GNPTAB: variants seen among roughly 807,000 people sequenced by gnomAD.
GNPTAB encodes the protein N-acetylglucosamine-1-phosphate transferase subunits alpha and beta.
In GNPTAB, 92 loss-of-function variants were observed where a neutral mutation model predicts 136.6. That is an observed-to-expected ratio of 0.67 (90% CI 0.57 to 0.80). The LOEUF (loss-of-function observed/expected upper bound fraction) is 0.80. Ranked by LOEUF, GNPTAB falls within the 30% of genes least tolerant of loss-of-function variation. The pLI, the probability that GNPTAB is intolerant of heterozygous loss-of-function variation, is 0.00. For synonymous variants in GNPTAB, 512 were observed against 535.1 expected, an observed-to-expected ratio of 0.96 and a Z score of 0.60; for missense variants, 1,343 against 1,501.8, an observed-to-expected ratio of 0.89 and a Z score of 1.75.
intron 5 of GNPTAB, 42 bp downstream of exon 5, chr12:101,785,970 C>A (rs1158407156): frequency 7.3e-7 from 1 of 1,370,062 alleles, no homozygotes. Context: ...TTCAAACATC[C>A]AATGATAACA....
intron 5 of GNPTAB, among the ~76,000 whole-genome samples, chr12:101,781,484 G>A (rs1953342428): frequency 1.3e-5 from 2 of 151,984 alleles, no homozygotes; most frequent in Admixed American, 6.6e-5. Flanking sequence ...TGGGCAACAT[G>A]GCAAAACCCT....
At position 101,747,197 on chromosome 12, in the gene GNPTAB, G is replaced by A. The variant is rs146804104; in HGVS notation, c.3738C>T (p.His1246=). 1.3e-6 allele frequency: 2 copies of A among 1,596,598 alleles called. No individual in the cohort carries two copies. The highest frequency in any genetic ancestry group is 2.7e-5 in the African/African-American group (2 of 74,702). ...KRKIFPRRRI[H]KEASPNRIRV Reference sequence around the variant, plus strand: ...TGATTCGATTGGGACTAGCTTCTTTGTGTATCCTCCTTCTGGGAAATATCT... The same window carrying A: ...TGATTCGATTGGGACTAGCTTCTTTATGTATCCTCCTTCTGGGAAATATCT... Residue 1246 remains histidine (H), a synonymous_variant, in exon 21 of 21, where the codon CAC becomes CAT. Transcript: ENST00000299314.
intron 13 of GNPTAB, among the ~76,000 whole-genome samples, chr12:101,763,478 C>G (rs2137115068): frequency 6.6e-6 from 1 of 152,184 alleles, no homozygotes; most frequent in South Asian, 2.1e-4. Context: ...TCAACTCCCA[C>G]CCCTTCGAAG....
intron 7 of GNPTAB, among the ~76,000 whole-genome samples, chr12:101,772,739 T>A (rs1205939748): frequency 6.6e-6 from 1 of 152,134 alleles, no homozygotes; most frequent in African/African-American, 2.4e-5. Flanking sequence ...CTTTCCTCCC[T>A]CTCACAGCAC....
chr12:101,766,007 A>G (rs912335968), intron 12 of GNPTAB, 84 bp downstream of exon 12: 4 of 1,127,404 alleles, frequency 3.5e-6, no homozygotes, highest in Non-Finnish European at 5.4e-6. Context: ...TCATTATTTT[A>G]AATAACAAAA....
At chr12:101,756,721 GAAATTGT>G (rs1952906502) in intron 18 of GNPTAB, among the ~76,000 whole-genome samples, 1 of 152,194 alleles carries the variant, frequency 6.6e-6, no homozygotes. Flanking sequence ...GGCTAGTAAA[GAAATTGT>G]TAAGACTTAG....
At chr12:101,826,927 T>C (rs1221568246) in intron 1 of GNPTAB, among the ~76,000 whole-genome samples, 1 of 150,824 alleles carries the variant, frequency 6.6e-6, no homozygotes, top group Non-Finnish European at 1.5e-5. Context: ...GTCCCCATTC[T>C]GAAGGCTCTC....
chr12:101,783,972 C>T (rs1214908575), intron 5 of GNPTAB, among the ~76,000 whole-genome samples: 1 of 152,022 alleles, frequency 6.6e-6, no homozygotes, highest in East Asian at 1.9e-4. Flanking sequence ...CCCACCTTGG[C>T]CTCCCAAAGT....
rs371251305 is a variant in GNPTAB at position 101,796,827 on chromosome 12, A to G, written c.118-65T>C. On this transcript the variant is annotated intron_variant, in intron 1 of 20. Transcript: ENST00000299314. ...ACTAAGAGTATATAACTTTCATTTC[A>G]TTTTAATTTCATTAGAATTGCTAGA... The G allele has an allele frequency of 3.7e-6, 4 of 1,080,522 alleles. No homozygotes were observed. In the East Asian group the frequency reaches 7.1e-5, roughly 19 times the overall value. The allele number at this position is 1,080,522 out of a possible 1,614,324, so 66.9% of individuals were successfully genotyped here. A position where few individuals can be genotyped will look rare whatever the true frequency, so the allele number is the denominator to read the frequency against.
chr12:101,763,596 T>C (rs1328399167), intron 13 of GNPTAB, among the ~76,000 whole-genome samples: 1 of 152,166 alleles, frequency 6.6e-6, no homozygotes, highest in East Asian at 1.9e-4. Context: ...CAGACACATC[T>C]CTTTGCTACA....
chr12:101,826,963 T>TG (rs1390093233), intron 1 of GNPTAB, among the ~76,000 whole-genome samples: 3 of 138,252 alleles, frequency 2.2e-5, no homozygotes, highest in Non-Finnish European at 3.1e-5. Flanking sequence ...TTTTTTTTTT[T>TG]TTTTTTTTTT....
intron 1 of GNPTAB, among the ~76,000 whole-genome samples, chr12:101,825,699 C>CATTAT (rs1555276398): frequency 6.6e-6 from 1 of 151,650 alleles, no homozygotes; most frequent in African/African-American, 2.4e-5. Context: ...AAATCCATTA[C>CATTAT]AAGTCATGCT....
chr12:101,796,313 C>T (rs117217488), intron 2 of GNPTAB: 7,491 of 702,356 alleles, frequency 0.011, 74 homozygotes, highest in Non-Finnish European at 0.013. Flanking sequence ...CAATAAACTA[C>T]AAGGTGGGAT....
At chr12:101,824,904 A>G (rs1871010012) in intron 1 of GNPTAB, among the ~76,000 whole-genome samples, 1 of 152,194 alleles carries the variant, frequency 6.6e-6, no homozygotes, top group African/African-American at 2.4e-5. Flanking sequence ...AGAAAAAGCG[A>G]TCACAAACTT....
intron 10 of GNPTAB, among the ~76,000 whole-genome samples, chr12:101,769,768 C>T (rs1953143535): frequency 6.6e-6 from 1 of 151,662 alleles, no homozygotes; most frequent in Non-Finnish European, 1.5e-5. Flanking sequence ...GCTGGGACTA[C>T]ATGAGTATTC....
rs1566071553 is a variant in GNPTAB at position 101,761,341 on chromosome 12, G to A, written c.2921C>T (p.Pro974Leu). The change falls in exon 15 of 21, where the codon CCT becomes CTT. Residue 974 changes from proline (P) to leucine (L), a missense_variant. Physicochemically the swap from Pro to Leu is moderately conservative, Grantham distance 98. Transcript: ENST00000299314. The stretch of plus-strand genomic sequence containing the variant: ...AAATGACGTCTTGTCAAATTCTTCA[G>A]GGAACCTGTCCAAATATAACATATT... ...IVMQELQDMF[P>L]EEFDKTSFHK... The A allele has an allele frequency of 3.7e-6, 6 of 1,613,302 alleles. No homozygotes were observed. Among genetic ancestry groups the A allele is most frequent in the South Asian group, 1.1e-5 (1 of 91,072 alleles).
At chr12:101,750,397 T>G (rs773840831) in intron 19 of GNPTAB, among the ~76,000 whole-genome samples, 12 of 152,194 alleles carry the variant, frequency 7.9e-5, no homozygotes, top group Non-Finnish European at 1.5e-4. Flanking sequence ...TAACCAGCTC[T>G]GTCAACTAAT....
At position 101,763,207 on chromosome 12, in the gene GNPTAB, G is replaced by A. The variant is rs1285123929; in HGVS notation, c.2715+995C>T. Among the ~76,000 whole-genome samples, 3 of 139,330 alleles carry A rather than the reference G, an allele frequency of 2.2e-5. No homozygotes were observed. The Admixed American group carries it at 2.2e-4, about 10-fold the overall frequency. 91.4% of individuals were successfully genotyped at this position (139,330 alleles called of 152,430 possible). A position where few individuals can be genotyped will look rare whatever the true frequency, so the allele number is the denominator to read the frequency against. On this transcript the variant is annotated intron_variant, in intron 13 of 20. Transcript: ENST00000299314. ...ATTGCACTCCAGCTTGGGAAAAAGA[G>A]CGAAACTCCATCTCAAAAAAAAAAA...
At chr12:101,808,329 T>A (rs921430445) in intron 1 of GNPTAB, among the ~76,000 whole-genome samples, 6 of 130,362 alleles carry the variant, frequency 4.6e-5, no homozygotes, top group African/African-American at 1.8e-4. Flanking sequence ...GAGGCCAAGG[T>A]GGGAGGACTG....
Sources: allele counts gnomAD v4.1 joint callset (sites outside exome capture counted in the v4.1 genomes callset), GRCh38; gene constraint gnomAD v4.1.1; transcripts MANE v1.5; gene names NCBI Gene and HGNC (gene_info 2026-07-23, HGNC 2026-07-21).